LINGO2: variants seen among roughly 807,000 people sequenced by gnomAD.
LINGO2 encodes leucine-rich repeat and immunoglobulin-like domain-containing nogo receptor-interacting protein 2.
Under a neutral mutation model 30.6 loss-of-function variants are expected in LINGO2, and 14 were observed. The observed-to-expected ratio is 0.46, with a 90% CI of 0.30 to 0.72. The LOEUF is 0.72. Among genes scored for constraint, LINGO2 ranks in the 30% least tolerant of loss-of-function variants. The pLI is 0.07. For missense variants in LINGO2, 729 were observed against 751.7 expected (o/e 0.97, Z 0.35); for synonymous variants, 317 against 288.5 (o/e 1.10, Z -1.00).
At chr9:28,880,051 T>G in the LINGO2 span, among the ~76,000 whole-genome samples, 1 of 152,202 alleles carries the variant, frequency 6.6e-6, no homozygotes, top group Non-Finnish European at 1.5e-5. Flanking sequence ...ATTGACGATG[T>G]ATTAGGGATA....
At chr9:28,033,378 G>A (rs1266830493) in intron 4 of LINGO2, among the ~76,000 whole-genome samples, 2 of 152,132 alleles carry the variant, frequency 1.3e-5, no homozygotes, top group African/African-American at 4.8e-5. Flanking sequence ...TAGGGAGGGG[G>A]ATCTCTTATT....
At chr9:29,130,504 G>A in the LINGO2 span, among the ~76,000 whole-genome samples, 1 of 152,084 alleles carries the variant, frequency 6.6e-6, no homozygotes, top group African/African-American at 2.4e-5. Flanking sequence ...AAACTTGAGT[G>A]AACTTGATGC....
At chr9:28,876,935 C>A in the LINGO2 span, among the ~76,000 whole-genome samples, 2 of 152,016 alleles carry the variant, frequency 1.3e-5, no homozygotes, top group Non-Finnish European at 2.9e-5. Context: ...TTTTTAATGA[C>A]TGCCATTCTA....
chr9:28,587,141 T>G (rs1270443628), intron 1 of LINGO2, among the ~76,000 whole-genome samples: 1 of 151,970 alleles, frequency 6.6e-6, no homozygotes, highest in Non-Finnish European at 1.5e-5. Flanking sequence ...GCTGGGCCAT[T>G]GTGAGGGGAA....
chr9:28,155,157 G>T (rs1224611523), intron 4 of LINGO2, among the ~76,000 whole-genome samples: 1 of 152,136 alleles, frequency 6.6e-6, no homozygotes, highest in African/African-American at 2.4e-5. Flanking sequence ...GGAAAACAAG[G>T]TTATCTTGAT....
intron 4 of LINGO2, among the ~76,000 whole-genome samples, chr9:28,174,767 A>G (rs1012513394): frequency 2.6e-5 from 4 of 152,188 alleles, no homozygotes; most frequent in Admixed American, 2.6e-4. Context: ...CATATATATT[A>G]TACATCGAAT....
the LINGO2 span, among the ~76,000 whole-genome samples, chr9:28,811,748 C>G: frequency 6.6e-6 from 1 of 152,248 alleles, no homozygotes; most frequent in South Asian, 2.1e-4. Context: ...ACCATATACT[C>G]TACTTCCTTC....
At chr9:28,145,023 G>T (rs925626569) in intron 4 of LINGO2, among the ~76,000 whole-genome samples, 1 of 152,208 alleles carries the variant, frequency 6.6e-6, no homozygotes, top group Non-Finnish European at 1.5e-5. Flanking sequence ...GCAGGAATGT[G>T]CATGAGGTGC....
the LINGO2 span, among the ~76,000 whole-genome samples, chr9:29,012,609 A>G: frequency 6.6e-6 from 1 of 152,138 alleles, no homozygotes; most frequent in East Asian, 1.9e-4. Context: ...TATTAATGAT[A>G]TAATTACAAT....
rs938603874 is a variant in LINGO2 at position 28,611,476 on chromosome 9, C to G, written c.-365+58724G>C. On this transcript the variant is annotated intron_variant, in intron 1 of 5. Coordinates refer to ENST00000379992, the Ensembl canonical transcript of LINGO2. Reference sequence around the variant, plus strand: ...ACAGGCACCATGCTGCACATCAGATCTCCAGAACTTACTCATCCTGCCTAA... The same window carrying G: ...ACAGGCACCATGCTGCACATCAGATGTCCAGAACTTACTCATCCTGCCTAA... 3.3e-5 allele frequency among the ~76,000 whole-genome samples: 5 copies of G among 152,062 alleles called. 1 individual carries two copies. The highest frequency in any genetic ancestry group is 1.2e-4 in the African/African-American group (5 of 41,404).
the LINGO2 span, among the ~76,000 whole-genome samples, chr9:29,030,472 T>G: frequency 6.6e-6 from 1 of 152,178 alleles, no homozygotes; most frequent in Non-Finnish European, 1.5e-5. Flanking sequence ...AGAGTCCAAT[T>G]TTATATTTAA....
At chr9:27,991,578 G>T (rs73439764) in intron 5 of LINGO2, among the ~76,000 whole-genome samples, 5,288 of 152,060 alleles carry the variant, frequency 0.035, 292 homozygotes, top group African/African-American at 0.12. Context: ...CCCCAAAAAG[G>T]ATATAGACAG....
chr9:28,418,109 C>T (rs1041026809), intron 2 of LINGO2, among the ~76,000 whole-genome samples: 1 of 151,986 alleles, frequency 6.6e-6, no homozygotes, highest in Non-Finnish European at 1.5e-5. Context: ...AGATCAAACT[C>T]CTTCAATAAT....
chr9:27,994,065 A>C (rs184372976), intron 5 of LINGO2, among the ~76,000 whole-genome samples: 1 of 152,294 alleles, frequency 6.6e-6, no homozygotes, highest in African/African-American at 2.4e-5. Context: ...TGAGTCAATA[A>C]AGAAATTAAG....
rs1563966552 is a variant in LINGO2 at position 28,087,945 on chromosome 9, A to G, written c.-86-75540T>C. 3.3e-5 allele frequency among the ~76,000 whole-genome samples: 5 copies of G among 151,988 alleles called. No homozygotes were observed. The South Asian group carries it at 1.0e-3, about 31-fold the overall frequency. On this transcript the variant is annotated intron_variant, in intron 4 of 5. Coordinates refer to ENST00000379992, the Ensembl canonical transcript of LINGO2. ...TCAGCATTCCCAATCACTATAATAT[A>G]ATGACTCAGTACAGAATAATAGGCA...
the LINGO2 span, among the ~76,000 whole-genome samples, chr9:28,789,532 C>G: frequency 6.6e-6 from 1 of 152,166 alleles, no homozygotes; most frequent in Non-Finnish European, 1.5e-5. Flanking sequence ...TTTACTCTCC[C>G]TTTCCATGGC....
chr9:28,474,898 T>C (rs1049412466), intron 2 of LINGO2, among the ~76,000 whole-genome samples: 2 of 152,214 alleles, frequency 1.3e-5, no homozygotes, highest in Admixed American at 1.3e-4. Context: ...AATTTTTTGT[T>C]TGTAGAATGA....
chr9:28,026,489 A>G (rs557243671), intron 4 of LINGO2, among the ~76,000 whole-genome samples: 20 of 152,318 alleles, frequency 1.3e-4, no homozygotes, highest in African/African-American at 4.6e-4. Context: ...GCGTTCTGGG[A>G]TGGTGCTGTA....
the LINGO2 span, among the ~76,000 whole-genome samples, chr9:28,747,126 G>A: frequency 1.3e-5 from 2 of 151,986 alleles, no homozygotes; most frequent in East Asian, 1.9e-4. Context: ...CCCCTATCCT[G>A]TACCCATATA....
Sources: allele counts gnomAD v4.1 joint callset (sites outside exome capture counted in the v4.1 genomes callset), GRCh38; gene constraint gnomAD v4.1.1; transcripts MANE v1.5; gene names NCBI Gene and HGNC (gene_info 2026-07-23, HGNC 2026-07-21).